SLC13A1: variants seen among roughly 807,000 people sequenced by gnomAD.
The protein encoded by SLC13A1 is solute carrier family 13 member 1.
In SLC13A1, 65 loss-of-function variants were observed where a neutral mutation model predicts 70.0. The ratio of observed to expected loss-of-function variants is 0.93; its 90% CI spans 0.76 to 1.14. The LOEUF is 1.14. Among genes scored for constraint, SLC13A1 ranks in the 50% most tolerant of loss-of-function variants. SLC13A1 has a pLI of 0.00. For synonymous variants in SLC13A1, 275 were observed against 250.5 expected, an observed-to-expected ratio of 1.10 and a Z score of -0.92; for missense variants, 726 against 717.8, an observed-to-expected ratio of 1.01 and a Z score of -0.13.
At position 123,181,033 on chromosome 7, in the gene SLC13A1, C is replaced by T. The variant is rs778676925; in HGVS notation, c.168G>A (p.Ser56=). 1.2e-5 allele frequency: 19 copies of T among 1,612,522 alleles called. No individual in the cohort carries two copies. The African/African-American group carries it at 1.5e-4, about 12-fold the overall frequency. ...TTAAACTAGGTAGCAAAGCTGTTAC[C>T]GACAGAGGCAATGCTTCTGTGAGCC... ...TFWLTEALPL[S]VTALLPSLML... Residue 56 remains serine (S), a synonymous_variant, in exon 2 of 15, where the codon TCG becomes TCA. Coordinates refer to ENST00000194130, the MANE Select transcript of SLC13A1 (RefSeq NM_022444.4).
At chr7:123,167,419 A>G (rs891201718) in intron 6 of SLC13A1, among the ~76,000 whole-genome samples, 6 of 152,316 alleles carry the variant, frequency 3.9e-5, no homozygotes, top group East Asian at 3.9e-4. Flanking sequence ...TTCTCTTTAC[A>G]TAGAAATTGC....
intron 1 of SLC13A1, among the ~76,000 whole-genome samples, chr7:123,186,370 C>T (rs994968855): frequency 6.6e-6 from 1 of 151,850 alleles, no homozygotes; most frequent in Non-Finnish European, 1.5e-5. Flanking sequence ...AAAAGAGATC[C>T]TAGATATTTG....
intron 1 of SLC13A1, among the ~76,000 whole-genome samples, chr7:123,192,770 A>G (rs1796040658): frequency 6.6e-6 from 1 of 152,146 alleles, no homozygotes; most frequent in Admixed American, 6.6e-5. Flanking sequence ...TCCTACCCCT[A>G]CTGCAGCAGT....
chr7:123,149,029 T>C (rs1292910993), intron 6 of SLC13A1, among the ~76,000 whole-genome samples: 1 of 152,202 alleles, frequency 6.6e-6, no homozygotes, highest in Non-Finnish European at 1.5e-5. Flanking sequence ...ATGAGACTCC[T>C]ATTATCCAAA....
chr7:123,134,822 G>C (rs1334185644), intron 7 of SLC13A1, among the ~76,000 whole-genome samples: 1 of 152,140 alleles, frequency 6.6e-6, no homozygotes, highest in Non-Finnish European at 1.5e-5. Flanking sequence ...GCAGTTCTTG[G>C]CTTTAATGAG....
At chr7:123,184,564 A>G (rs1428435916) in intron 1 of SLC13A1, among the ~76,000 whole-genome samples, 4 of 151,984 alleles carry the variant, frequency 2.6e-5, no homozygotes, top group Non-Finnish European at 5.9e-5. Flanking sequence ...AGGTTCATAC[A>G]TGTTGTAACA....
chr7:123,135,902 T>G lies in SLC13A1; in HGVS notation c.813-1373A>C, dbSNP rs185283351. Among the ~76,000 whole-genome samples, 466 of 152,338 alleles carry G rather than the reference T, an allele frequency of 3.1e-3. 1 individual carries two copies. The highest frequency in any genetic ancestry group is 5.7e-3 in the Non-Finnish European group (387 of 68,030). On this transcript the variant is annotated intron_variant, in intron 7 of 14. Transcript: ENST00000194130. ...TGATAATTAAAGATGTTAGAAAATG[T>G]GCAGTGTGATGAATGGAAAAATACT...
chr7:123,135,901 G>A lies in SLC13A1; in HGVS notation c.813-1372C>T, dbSNP rs545123992. On this transcript the variant is annotated intron_variant, in intron 7 of 14. Coordinates refer to ENST00000194130, the MANE Select transcript of SLC13A1 (RefSeq NM_022444.4). ...ATGATAATTAAAGATGTTAGAAAAT[G>A]TGCAGTGTGATGAATGGAAAAATAC... Among the ~76,000 whole-genome samples the A allele has an allele frequency of 7.2e-5, 11 of 152,308 alleles. No individual in the cohort carries two copies. In the South Asian group the frequency reaches 2.3e-3, roughly 32 times the overall value.
chr7:123,136,123 C>A (rs546133775), intron 7 of SLC13A1, among the ~76,000 whole-genome samples: 1 of 152,284 alleles, frequency 6.6e-6, no homozygotes, highest in African/African-American at 2.4e-5. Context: ...AGACCCATGT[C>A]CTCAAGCCTA....
intron 4 of SLC13A1, among the ~76,000 whole-genome samples, 183 bp downstream of exon 4, chr7:123,168,965 C>A (rs550467455): frequency 3.3e-5 from 5 of 152,182 alleles, no homozygotes; most frequent in East Asian, 1.9e-4. Context: ...AGAAATGTAA[C>A]AATTTAGGTA....
rs1173507776 is a variant in SLC13A1, at chr7:123,169,284, G to A, written c.417C>T (p.Ser139=). The change falls in exon 4 of 15, where the codon AGC becomes AGT. Residue 139 remains serine (S), a synonymous_variant. Transcript: ENST00000194130. ...TCACCATGGCAGCCGTCGAGGTGTT[G>A]CTGAGCCACATAGACAAAAAGGCAG... ...SSTAFLSMWL[S]NTSTAAMVMP... is the part of the protein sequence containing the mutation. 60 of 1,613,692 alleles carry A rather than the reference G, an allele frequency of 3.7e-5. No homozygotes were observed. Among genetic ancestry groups the A allele is most frequent in the Non-Finnish European group, 5.0e-5 (59 of 1,179,994 alleles).
intron 7 of SLC13A1, among the ~76,000 whole-genome samples, chr7:123,141,675 T>C (rs1794152130): frequency 6.6e-6 from 1 of 152,184 alleles, no homozygotes; most frequent in Non-Finnish European, 1.5e-5. Context: ...TATCATTATA[T>C]AGTGACCTTC....
intron 7 of SLC13A1, among the ~76,000 whole-genome samples, chr7:123,136,373 C>T (rs1471307168): frequency 2.0e-5 from 3 of 152,138 alleles, no homozygotes; most frequent in Non-Finnish European, 4.4e-5. Flanking sequence ...CCTCTATAAT[C>T]ATAACCTTTA....
chr7:123,173,757 G>A (rs1444420949), intron 2 of SLC13A1, among the ~76,000 whole-genome samples: 2 of 151,668 alleles, frequency 1.3e-5, no homozygotes, highest in Admixed American at 6.6e-5. Context: ...TTTGCACCTA[G>A]CATAGTGCTG....
At position 123,142,638 on chromosome 7, in the gene SLC13A1, C is replaced by CTTTT. The variant is rs753775300; in HGVS notation, c.812+4517_812+4520dup. ...TGAGTCTTGCTTTCAGGGGCAAGAA[C>CTTTT]TTTTTTTTTTTTTTTTTGATGGAGG... On this transcript the variant is annotated intron_variant, in intron 7 of 14. Transcript: ENST00000194130. Among the ~76,000 whole-genome samples, 541 of 118,786 alleles carry CTTTT rather than the reference C, an allele frequency of 4.6e-3. 17 individuals carry two copies. The highest frequency in any genetic ancestry group is 0.014 in the Middle Eastern group (3 of 216). The allele number at this position is 118,786 out of a possible 152,430, so 77.9% of individuals were successfully genotyped here. A position where few individuals can be genotyped will look rare whatever the true frequency, so the allele number is the denominator to read the frequency against.
Position 123,169,145 on chromosome 7 carries a change from T to C in SLC13A1, c.553+3A>G. 1.9e-6 allele frequency: 3 copies of C among 1,613,790 alleles called. No individual in the cohort carries two copies. Among genetic ancestry groups the C allele is most frequent in the Non-Finnish European group, 2.5e-6 (3 of 1,179,734 alleles). ...CCAGATTGGCCATATCAACATGTGATACCATCAATTTCTAGTCCGTGGTTG... is the reference window on the plus strand; with the variant it reads ...CCAGATTGGCCATATCAACATGTGACACCATCAATTTCTAGTCCGTGGTTG... On this transcript the variant is annotated splice_donor_region_variant and intron_variant, in intron 4 of 14. Transcript: ENST00000194130.
At chr7:123,154,298 A>T (rs1794647580) in intron 6 of SLC13A1, among the ~76,000 whole-genome samples, 1 of 152,136 alleles carries the variant, frequency 6.6e-6, no homozygotes, top group South Asian at 2.1e-4. Flanking sequence ...TCTGTCTACC[A>T]TACATGTGGA....
intron 7 of SLC13A1, among the ~76,000 whole-genome samples, chr7:123,136,522 G>A (rs561651176): frequency 7.2e-5 from 11 of 152,198 alleles, no homozygotes; most frequent in African/African-American, 2.6e-4. Context: ...TGCATCTAAA[G>A]CAAATACAGA....
At chr7:123,196,700 T>C (rs1352723079) in intron 1 of SLC13A1, among the ~76,000 whole-genome samples, 1 of 152,024 alleles carries the variant, frequency 6.6e-6, no homozygotes, top group Admixed American at 6.6e-5. Context: ...CTTAATGACA[T>C]TGCGTACCAT....
Sources: allele counts gnomAD v4.1 joint callset (sites outside exome capture counted in the v4.1 genomes callset), GRCh38; gene constraint gnomAD v4.1.1; transcripts MANE v1.5; gene names NCBI Gene and HGNC (gene_info 2026-07-23, HGNC 2026-07-21).